Variants in TMEM170B observed in about 807,000 individuals in gnomAD.
TMEM170B encodes the protein transmembrane protein 170B.
TMEM170B carries 6 observed loss-of-function variants against 13.0 expected under a neutral mutation model. That is an observed-to-expected ratio of 0.46 (90% CI 0.25 to 0.91). The LOEUF (loss-of-function observed/expected upper bound fraction) is 0.91, where lower values mean the gene tolerates loss of function less well. Among genes scored for constraint, TMEM170B ranks in the 40% least tolerant of loss-of-function variants. The pLI, the probability that TMEM170B is intolerant of heterozygous loss-of-function variation, is 0.17. For synonymous variants in TMEM170B, 61 were observed against 64.9 expected, an observed-to-expected ratio of 0.94 and a Z score of 0.29; for missense variants, 138 against 165.2, an observed-to-expected ratio of 0.84 and a Z score of 0.90.
chr6:11,562,420 A>G (rs749060141), intron 1 of TMEM170B, among the ~76,000 whole-genome samples: 1 of 149,046 alleles, frequency 6.7e-6, no homozygotes, highest in Non-Finnish European at 1.5e-5. Flanking sequence ...TATGCCATTG[A>G]GAAGCATGCA....
intron 1 of TMEM170B, among the ~76,000 whole-genome samples, chr6:11,550,149 T>C (rs1386457405): frequency 6.6e-6 from 1 of 151,854 alleles, no homozygotes; most frequent in Non-Finnish European, 1.5e-5. Flanking sequence ...CTAATTTTTT[T>C]CATAATCCTG....
intron 2 of TMEM170B, among the ~76,000 whole-genome samples, chr6:11,567,032 G>A (rs1004286758): frequency 6.6e-6 from 1 of 152,218 alleles, no homozygotes; most frequent in African/African-American, 2.4e-5. Context: ...CCTGGTGCCT[G>A]TGACCAATTA....
intron 1 of TMEM170B, 45 bp from the exon 2 acceptor site, chr6:11,565,621 A>G: frequency 6.2e-7 from 1 of 1,603,092 alleles, no homozygotes; most frequent in East Asian, 2.2e-5. Flanking sequence ...TGAATTTTCT[A>G]AGTTGTGTTT....
intron 1 of TMEM170B, among the ~76,000 whole-genome samples, chr6:11,542,596 T>C (rs139327173): frequency 1.3e-5 from 2 of 152,168 alleles, no homozygotes; most frequent in African/African-American, 4.8e-5. Flanking sequence ...AGAAACAGAT[T>C]AGAAATATGT....
rs1041858354 is a variant in TMEM170B, at chr6:11,577,152, C to G, written c.*1591C>G. The G allele has an allele frequency of 2.6e-5, 4 of 152,002 alleles. No homozygotes were observed. Among genetic ancestry groups the G allele is most frequent in the African/African-American group, 4.8e-5 (2 of 41,414 alleles). The allele number at this position is 152,002 out of a possible 1,614,324, so 9.4% of individuals were successfully genotyped here. ...AACTTTGTTACCCATACCACTTTTTCTCTATCCAGAAGCAGAGTATATCCA... is the reference window on the plus strand; with the variant it reads ...AACTTTGTTACCCATACCACTTTTTGTCTATCCAGAAGCAGAGTATATCCA... On this transcript the variant is annotated 3_prime_UTR_variant, in exon 3 of 3. Transcript: ENST00000379426.
rs1345282810 is a variant in TMEM170B, at chr6:11,537,873, G to C, written c.-405G>C. 1.3e-5 allele frequency among the ~76,000 whole-genome samples: 2 copies of C among 151,680 alleles called. No individual in the cohort carries two copies. The highest frequency in any genetic ancestry group is 1.5e-5 in the Non-Finnish European group (1 of 67,834). On this transcript the variant is annotated 5_prime_UTR_variant, in exon 1 of 3. Transcript: ENST00000379426. ...GGCCCTGTCGGGGGCTGCACCTGCCGGCTGCCCATCAGCACCGGCCTCCTG... is the reference window on the plus strand; with the variant it reads ...GGCCCTGTCGGGGGCTGCACCTGCCCGCTGCCCATCAGCACCGGCCTCCTG...
chr6:11,543,885 C>A (rs1052668772), intron 1 of TMEM170B, among the ~76,000 whole-genome samples: 3 of 152,046 alleles, frequency 2.0e-5, no homozygotes, highest in African/African-American at 7.2e-5. Context: ...ATATACTGAC[C>A]TTTTTATCTT....
At chr6:11,561,641 A>G (rs1357011741) in intron 1 of TMEM170B, among the ~76,000 whole-genome samples, 2 of 152,224 alleles carry the variant, frequency 1.3e-5, no homozygotes, top group African/African-American at 2.4e-5. Context: ...TAATAGTAAT[A>G]ACACAAAACC....
Position 11,575,638 on chromosome 6 carries a change from G to A in TMEM170B, c.*77G>A, listed in dbSNP as rs1008442041. ...CCTGAAAACGGCATTGTTAACAAGT[G>A]GAAATGAAATTGTGCAAGAATGTGG... On this transcript the variant is annotated 3_prime_UTR_variant, in exon 3 of 3. Transcript: ENST00000379426. This position sits in a 1 kb window ranked among gnomAD's most constrained non-coding sequence, Gnocchi z 4.1. The A allele has an allele frequency of 6.4e-7, 1 of 1,557,950 alleles. No homozygotes were observed. Among genetic ancestry groups the A allele is most frequent in the Non-Finnish European group, 8.8e-7 (1 of 1,136,054 alleles).
At chr6:11,545,278 C>CTG (rs1222024504) in intron 1 of TMEM170B, among the ~76,000 whole-genome samples, 15 of 89,742 alleles carry the variant, frequency 1.7e-4, no homozygotes, top group Middle Eastern at 7.0e-3. Flanking sequence ...CTCTCTCTCT[C>CTG]TCTGTGTGTG....
intron 1 of TMEM170B, among the ~76,000 whole-genome samples, chr6:11,539,642 G>T (rs998326016): frequency 1.1e-4 from 16 of 152,182 alleles, no homozygotes; most frequent in African/African-American, 3.9e-4. Context: ...GAAACAGACT[G>T]ACTTTACATG....
intron 1 of TMEM170B, among the ~76,000 whole-genome samples, chr6:11,550,641 G>A (rs2113767009): frequency 6.6e-6 from 1 of 152,162 alleles, no homozygotes; most frequent in Non-Finnish European, 1.5e-5. Flanking sequence ...AATGTGCTTG[G>A]CATTGTTCTA....
chr6:11,553,656 T>G (rs1320841114), intron 1 of TMEM170B, among the ~76,000 whole-genome samples: 1 of 152,204 alleles, frequency 6.6e-6, no homozygotes, highest in Non-Finnish European at 1.5e-5. Flanking sequence ...TCTAGAAATT[T>G]TATGAGTTAA....
intron 1 of TMEM170B, among the ~76,000 whole-genome samples, chr6:11,543,092 A>G (rs1324480917): frequency 6.6e-6 from 1 of 152,074 alleles, no homozygotes; most frequent in African/African-American, 2.4e-5. Context: ...TCATCTTGCT[A>G]CTTCTGCTCT....
intron 1 of TMEM170B, among the ~76,000 whole-genome samples, chr6:11,544,326 TA>T (rs1338097042): frequency 6.6e-6 from 1 of 152,178 alleles, no homozygotes; most frequent in Non-Finnish European, 1.5e-5. Flanking sequence ...GCTGAGTCAG[TA>T]AATAGCATGA....
rs1202083799 is a variant in TMEM170B, at chr6:11,576,132, A to G, written c.*571A>G. The G allele has an allele frequency of 1.3e-5, 2 of 152,064 alleles. No homozygotes were observed. The highest frequency in any genetic ancestry group is 1.9e-4 in the East Asian group (1 of 5,200). The allele number at this position is 152,064 out of a possible 1,614,324, so 9.4% of individuals were successfully genotyped here. A position where few individuals can be genotyped will look rare whatever the true frequency, so the allele number is the denominator to read the frequency against. On this transcript the variant is annotated 3_prime_UTR_variant, in exon 3 of 3. Transcript: ENST00000379426. ...GCGCGTTTCTGGGATTTAGGGCTTC[A>G]ATATGTTTAGGTATTATTGTTATTT...
intron 1 of TMEM170B, among the ~76,000 whole-genome samples, chr6:11,542,166 T>G (rs1371136357): frequency 6.6e-6 from 1 of 152,074 alleles, no homozygotes; most frequent in Non-Finnish European, 1.5e-5. Context: ...CAAAATAAAG[T>G]GAAGTACAAT....
intron 1 of TMEM170B, among the ~76,000 whole-genome samples, chr6:11,545,324 AAGTAGT>A (rs1015387518): frequency 9.6e-5 from 10 of 103,838 alleles, no homozygotes; most frequent in South Asian, 4.7e-4. Context: ...TACTAGTAGT[AAGTAGT>A]AGTAGTAGTA....
chr6:11,543,171 T>G (rs1759385844), intron 1 of TMEM170B, among the ~76,000 whole-genome samples: 1 of 152,214 alleles, frequency 6.6e-6, no homozygotes, highest in African/African-American at 2.4e-5. Context: ...GACTGTGAGC[T>G]TTTTGAGGGT....
Sources: allele counts gnomAD v4.1 joint callset (sites outside exome capture counted in the v4.1 genomes callset), GRCh38; gene constraint gnomAD v4.1.1; non-coding constraint Gnocchi (gnomAD v3.1); transcripts MANE v1.5; gene names NCBI Gene and HGNC (gene_info 2026-07-23, HGNC 2026-07-21).